KCNH1: variants seen among roughly 807,000 people sequenced by gnomAD.
KCNH1 encodes potassium voltage-gated channel subfamily H member 1.
Under a neutral mutation model 69.2 loss-of-function variants are expected in KCNH1, and 27 were observed. The observed-to-expected ratio is 0.39, with a 90% CI of 0.29 to 0.54. The LOEUF is 0.54. Among genes scored for constraint, KCNH1 ranks in the 20% least tolerant of loss-of-function variants. The pLI is 0.68. For synonymous variants in KCNH1, 456 were observed against 487.7 expected (o/e 0.93, Z 0.86); for missense variants, 798 against 1,261.6 (o/e 0.63, Z 5.57).
rs377636790 is a variant in KCNH1 at position 210,989,432 on chromosome 1, A to G, written c.1032+29351T>C. 1.8e-4 allele frequency among the ~76,000 whole-genome samples: 28 copies of G among 152,324 alleles called. 1 individual carries two copies. The South Asian group carries it at 5.0e-3, about 27-fold the overall frequency. ...TATACGCAAACCAGTGTTAGAATCTATCCATTTCTATACTCAAATATTGAG... is the reference window on the plus strand; with the variant it reads ...TATACGCAAACCAGTGTTAGAATCTGTCCATTTCTATACTCAAATATTGAG... On this transcript the variant is annotated intron_variant, in intron 6 of 10. Coordinates refer to ENST00000271751, the MANE Select transcript of KCNH1 (RefSeq NM_172362.3).
chr1:210,936,212 C>G (rs547339182), intron 6 of KCNH1, among the ~76,000 whole-genome samples: 2 of 152,176 alleles, frequency 1.3e-5, no homozygotes, highest in Non-Finnish European at 2.9e-5. Flanking sequence ...CTTTCAACCC[C>G]GTATTACTCA....
At chr1:211,092,374 T>C (rs1428141820) in intron 3 of KCNH1, among the ~76,000 whole-genome samples, 1 of 152,226 alleles carries the variant, frequency 6.6e-6, no homozygotes, top group Non-Finnish European at 1.5e-5. Context: ...ATGTCAGTAG[T>C]AATAACCCTG....
At chr1:210,834,564 T>C (rs1348003742) in intron 7 of KCNH1, among the ~76,000 whole-genome samples, 5 of 141,272 alleles carry the variant, frequency 3.5e-5, no homozygotes, top group Non-Finnish European at 7.7e-5. Context: ...GGGATAGCAT[T>C]GGGAGATATA....
At chr1:210,877,648 T>A (rs79006799) in intron 7 of KCNH1, among the ~76,000 whole-genome samples, 1 of 152,194 alleles carries the variant, frequency 6.6e-6, no homozygotes, top group African/African-American at 2.4e-5. Context: ...TAACTGAACA[T>A]GTCCTATATA....
intron 1 of KCNH1, 59 bp from the exon 2 acceptor site, chr1:211,107,436 T>C: frequency 6.6e-7 from 1 of 1,512,184 alleles, no homozygotes; most frequent in South Asian, 1.2e-5. Flanking sequence ...TAGTTGAGAT[T>C]CAATGAGGAC....
chr1:210,856,459 G>A (rs942833613), intron 7 of KCNH1, among the ~76,000 whole-genome samples: 34 of 152,054 alleles, frequency 2.2e-4, no homozygotes, highest in Admixed American at 8.5e-4. Flanking sequence ...TGAAGGGTGA[G>A]GTGATGAGAA....
intron 1 of KCNH1, among the ~76,000 whole-genome samples, chr1:211,115,717 G>GTATATATATATATATA (rs1178328609): frequency 2.1e-5 from 2 of 96,722 alleles, no homozygotes; most frequent in Admixed American, 1.2e-4. Context: ...ATATATATAT[G>GTATATATATATATATA]TATATATATA....
At chr1:210,791,891 C>T (rs1395070190) in intron 9 of KCNH1, among the ~76,000 whole-genome samples, 1 of 152,118 alleles carries the variant, frequency 6.6e-6, no homozygotes, top group Non-Finnish European at 1.5e-5. Flanking sequence ...GGAACTGTGA[C>T]AAGGAGGTGT....
chr1:210,947,437 T>C (rs1416383679), intron 6 of KCNH1, among the ~76,000 whole-genome samples: 1 of 151,432 alleles, frequency 6.6e-6, no homozygotes, highest in African/African-American at 2.4e-5. Flanking sequence ...TAGCCAGGCA[T>C]GGTGGCGGGC....
intron 8 of KCNH1, among the ~76,000 whole-genome samples, chr1:210,799,208 GTATGA>G (rs1280212161): frequency 6.6e-6 from 1 of 152,114 alleles, no homozygotes; most frequent in African/African-American, 2.4e-5. Flanking sequence ...CCCACAAACT[GTATGA>G]TATAAGTGCT....
At chr1:210,812,926 C>T (rs1030753128) in intron 7 of KCNH1, among the ~76,000 whole-genome samples, 47 of 152,306 alleles carry the variant, frequency 3.1e-4, no homozygotes, top group African/African-American at 7.9e-4. Context: ...GGTTCAAATT[C>T]CAGCTCAGCT....
chr1:210,762,318 A>G (rs1341270565), intron 10 of KCNH1, among the ~76,000 whole-genome samples: 4 of 152,198 alleles, frequency 2.6e-5, no homozygotes, highest in African/African-American at 9.7e-5. Context: ...GAGCTAAAGG[A>G]ACTAGAAAAC....
chr1:211,070,622 G>C (rs528901282), intron 5 of KCNH1, among the ~76,000 whole-genome samples: 1 of 151,974 alleles, frequency 6.6e-6, no homozygotes, highest in African/African-American at 2.4e-5. Flanking sequence ...TCAGGAGTTG[G>C]AGACCAGCCC....
chr1:210,835,477 T>A (rs1449016060), intron 7 of KCNH1, among the ~76,000 whole-genome samples: 1 of 152,156 alleles, frequency 6.6e-6, no homozygotes, highest in East Asian at 1.9e-4. Context: ...ATTTCTGATT[T>A]AGAATCTTTG....
intron 5 of KCNH1, among the ~76,000 whole-genome samples, chr1:211,071,082 A>G (rs1690634128): frequency 6.6e-6 from 1 of 152,240 alleles, no homozygotes; most frequent in African/African-American, 2.4e-5. Context: ...AAAGCTACAG[A>G]AAATAAAATG....
chr1:211,103,883 C>T (rs1020412829), intron 2 of KCNH1, among the ~76,000 whole-genome samples: 4 of 152,170 alleles, frequency 2.6e-5, no homozygotes, highest in South Asian at 2.1e-4. Flanking sequence ...ACAATGGCAG[C>T]GCACATAATG....
At chr1:210,819,172 T>A (rs1684876924) in intron 7 of KCNH1, among the ~76,000 whole-genome samples, 1 of 152,196 alleles carries the variant, frequency 6.6e-6, no homozygotes, top group African/African-American at 2.4e-5. Context: ...GAAGAGTTAA[T>A]TGAAGAAATT....
intron 7 of KCNH1, among the ~76,000 whole-genome samples, chr1:210,907,196 G>A (rs1303187176): frequency 2.0e-5 from 3 of 152,066 alleles, no homozygotes; most frequent in African/African-American, 7.2e-5. Context: ...CTCAGATAAC[G>A]GTGGTAAATG....
intron 3 of KCNH1, among the ~76,000 whole-genome samples, chr1:211,092,945 G>A (rs1691078404): frequency 6.6e-6 from 1 of 152,030 alleles, no homozygotes; most frequent in African/African-American, 2.4e-5. Flanking sequence ...TGTTGCCCAG[G>A]CTGGAGTACA....
Sources: allele counts gnomAD v4.1 joint callset (sites outside exome capture counted in the v4.1 genomes callset), GRCh38; gene constraint gnomAD v4.1.1; transcripts MANE v1.5; gene names NCBI Gene and HGNC (gene_info 2026-07-23, HGNC 2026-07-21).